COX17: variants seen among roughly 807,000 people sequenced by gnomAD.
The protein encoded by COX17 is cytochrome c oxidase copper chaperone.
Under a neutral mutation model 6.3 loss-of-function variants are expected in COX17, and 1 was observed. That is an observed-to-expected ratio of 0.16 (90% CI 0.06 to 0.75). The LOEUF (loss-of-function observed/expected upper bound fraction) is 0.75, where lower values mean the gene tolerates loss of function less well. COX17 is among the 30% of genes least tolerant of loss of function. COX17 has a pLI of 0.77. For missense variants in COX17, 73 were observed against 81.2 expected, an observed-to-expected ratio of 0.90 and a Z score of 0.39; for synonymous variants, 26 against 30.5, an observed-to-expected ratio of 0.85 and a Z score of 0.49.
rs929823828 is a variant in COX17, at chr3:119,677,271, A to T, written c.40T>A (p.Ser14Thr). Residue 14 changes from serine (S) to threonine (T), a missense_variant, in exon 1 of 3, where the codon TCT (serine) becomes ACT (threonine). Coordinates refer to ENST00000261070, the MANE Select transcript of COX17 (RefSeq NM_005694.2). ...LVDSNPAPPE[S>T]QEKKPLKPCC... ...GGCTTCAGCGGCTTCTTCTCCTGAG[A>T]CTCAGGCGGGGCAGGGTTTGAGTCA... The T allele has an allele frequency of 6.2e-7, 1 of 1,611,644 alleles. No homozygotes were observed. The highest frequency in any genetic ancestry group is 1.3e-5 in the African/African-American group (1 of 74,752).
In COX17 at chr3:119,677,396, G is replaced by A; in HGVS notation, c.-86C>T. On this transcript the variant is annotated 5_prime_UTR_variant, in exon 1 of 3. Coordinates refer to ENST00000261070, the MANE Select transcript of COX17 (RefSeq NM_005694.2). Reference sequence around the variant, plus strand: ...GCCGATTCGTCCGCAGTCACTTCCGGCAGTCGCTCTAAAAAGTACAGGAAG... The same window carrying A: ...GCCGATTCGTCCGCAGTCACTTCCGACAGTCGCTCTAAAAAGTACAGGAAG... 1.9e-6 allele frequency: 2 copies of A among 1,055,824 alleles called. No homozygotes were observed. Among genetic ancestry groups the A allele is most frequent in the South Asian group, 1.3e-5 (1 of 74,122 alleles). 65.4% of individuals were successfully genotyped at this position (1,055,824 alleles called of 1,614,324 possible). A position where few individuals can be genotyped will look rare whatever the true frequency, so the allele number is the denominator to read the frequency against.
downstream of COX17, among the ~76,000 whole-genome samples, chr3:119,667,729 AG>A (rs2053007017): frequency 2.0e-5 from 1 of 50,814 alleles, no homozygotes; most frequent in African/African-American, 4.9e-5. Context: ...ACACACACAC[AG>A]AGAGAGAGAG....
At chr3:119,666,406 T>C (rs2052993251), downstream of COX17, among the ~76,000 whole-genome samples, 1 of 152,182 alleles carries the variant, frequency 6.6e-6, no homozygotes, top group African/African-American at 2.4e-5. Flanking sequence ...TATCATCACA[T>C]CTAGAGCTGA....
chr3:119,664,026 A>C (rs542255630), intron 3 of COX17, among the ~76,000 whole-genome samples: 2 of 152,342 alleles, frequency 1.3e-5, no homozygotes, highest in South Asian at 4.1e-4. Context: ...TTCAGGACAG[A>C]CTATGTGTTC....
intron 2 of COX17, among the ~76,000 whole-genome samples, chr3:119,670,293 A>G (rs573497307): frequency 6.6e-6 from 1 of 152,220 alleles, no homozygotes; most frequent in Non-Finnish European, 1.5e-5. Context: ...GAACAATGCT[A>G]GGAAGGTAAT....
intron 2 of COX17, among the ~76,000 whole-genome samples, chr3:119,670,750 TTTTG>T (rs753170561): frequency 1.3e-5 from 1 of 75,076 alleles, no homozygotes; most frequent in Non-Finnish European, 2.6e-5. Context: ...ACATGATCAG[TTTTG>T]TGTGTGTGTG....
At chr3:119,672,076 A>G (rs2053050327) in intron 2 of COX17, among the ~76,000 whole-genome samples, 1 of 152,088 alleles carries the variant, frequency 6.6e-6, no homozygotes, top group Non-Finnish European at 1.5e-5. Context: ...GCTATCCACA[A>G]CTCTAAAGGT....
At chr3:119,670,659 G>T (rs1380474764) in intron 2 of COX17, among the ~76,000 whole-genome samples, 2 of 152,030 alleles carry the variant, frequency 1.3e-5, no homozygotes, top group Non-Finnish European at 1.5e-5. Flanking sequence ...ATTTTCCAGG[G>T]TCTTAATAAA....
chr3:119,670,982 G>A (rs1238199808), intron 2 of COX17, among the ~76,000 whole-genome samples: 1 of 152,022 alleles, frequency 6.6e-6, no homozygotes, highest in African/African-American at 2.4e-5. Flanking sequence ...TGAGGTTCTA[G>A]GTTCTTCTAA....
intron 1 of COX17, chr3:119,676,870 G>A (rs977798335): frequency 1.6e-5 from 11 of 702,782 alleles, no homozygotes; most frequent in Non-Finnish European, 2.9e-5. Context: ...ACATTTGTAG[G>A]AAGGAATGAG....
intron 1 of COX17, chr3:119,676,809 C>T (rs1176772481): frequency 2.8e-6 from 2 of 702,296 alleles, no homozygotes; most frequent in East Asian, 5.4e-5. Flanking sequence ...TTATCCATGT[C>T]TACATCTTCG....
chr3:119,671,714 T>G (rs1192347935), intron 2 of COX17, among the ~76,000 whole-genome samples: 1 of 152,192 alleles, frequency 6.6e-6, no homozygotes, highest in Non-Finnish European at 1.5e-5. Flanking sequence ...AATGAATATG[T>G]TGGAATAAAA....
intron 1 of COX17, 200 bp from the exon 2 acceptor site, chr3:119,675,433 T>G: frequency 1.9e-6 from 1 of 524,694 alleles, no homozygotes; most frequent in East Asian, 3.0e-5. Context: ...CACAGATAAG[T>G]GATTTTGGGG....
intron 2 of COX17, among the ~76,000 whole-genome samples, chr3:119,672,007 T>C (rs924446701): frequency 3.9e-5 from 6 of 152,224 alleles, no homozygotes; most frequent in African/African-American, 1.4e-4. Context: ...TTGTTCTTCT[T>C]GTAACCAGGA....
rs1197890066 is a variant in COX17 at position 119,677,312 on chromosome 3, T to C, written c.-2A>G. 1.2e-6 allele frequency: 2 copies of C among 1,610,822 alleles called. No individual in the cohort carries two copies. Among genetic ancestry groups the C allele is most frequent in the Middle Eastern group, 2.3e-4 (1 of 4,428 alleles). On this transcript the variant is annotated 5_prime_UTR_variant, in exon 1 of 3. Coordinates refer to ENST00000261070, the MANE Select transcript of COX17 (RefSeq NM_005694.2). The stretch of plus-strand genomic sequence containing the variant: ...GTTTGAGTCAACCAGACCCGGCATC[T>C]TTCGCGCCAAAAGCAGCTATGAGCG...
At chr3:119,667,991 T>C (rs183439753), downstream of COX17, among the ~76,000 whole-genome samples, 190 of 152,178 alleles carry the variant, frequency 1.2e-3, no homozygotes, top group African/African-American at 4.4e-3. Context: ...AAAGAAAAAA[T>C]AGGGTATTGG....
chr3:119,667,722 CACACACAGAG>C (rs766357952), downstream of COX17, among the ~76,000 whole-genome samples: 1,960 of 113,998 alleles, frequency 0.017, 33 homozygotes, highest in African/African-American at 0.046. Flanking sequence ...CACACACACA[CACACACAGAG>C]AGAGAGAGAC....
At chr3:119,667,480 C>T (rs2053002722), downstream of COX17, among the ~76,000 whole-genome samples, 4 of 152,108 alleles carry the variant, frequency 2.6e-5, no homozygotes, top group Admixed American at 6.5e-5. Flanking sequence ...TTAATCAGTG[C>T]TCTCAGACAC....
Position 119,677,299 on chromosome 3 carries a change from C to G in COX17, c.12G>C (p.Leu4=), listed in dbSNP as rs563464418. The part of the protein sequence containing the change: MPG[L]VDSNPAPPES... Reference sequence around the variant, plus strand: ...CAGGCGGGGCAGGGTTTGAGTCAACCAGACCCGGCATCTTTCGCGCCAAAA... The same window carrying G: ...CAGGCGGGGCAGGGTTTGAGTCAACGAGACCCGGCATCTTTCGCGCCAAAA... The change falls in exon 1 of 3, where the codon CTG becomes CTC. Residue 4 remains leucine (L), a synonymous_variant. Coordinates refer to ENST00000261070, the MANE Select transcript of COX17 (RefSeq NM_005694.2). The G allele has an allele frequency of 1.9e-6, 3 of 1,611,676 alleles. No individual in the cohort carries two copies. Among genetic ancestry groups the G allele is most frequent in the African/African-American group, 1.3e-5 (1 of 75,006 alleles).
Sources: allele counts gnomAD v4.1 joint callset (sites outside exome capture counted in the v4.1 genomes callset), GRCh38; gene constraint gnomAD v4.1.1; transcripts MANE v1.5; gene names NCBI Gene and HGNC (gene_info 2026-07-23, HGNC 2026-07-21).